BACH2: variants seen among roughly 807,000 people sequenced by gnomAD.
BACH2 encodes the protein transcription regulator protein BACH2.
Under a neutral mutation model 61.8 loss-of-function variants are expected in BACH2, and 5 were observed. That is an observed-to-expected ratio of 0.08 (90% confidence interval 0.04 to 0.17). BACH2 has a LOEUF of 0.17. Among genes scored for constraint, BACH2 ranks in the 10% least tolerant of loss-of-function variants. The pLI, the probability that BACH2 is intolerant of heterozygous loss-of-function variation, is 1.00. For synonymous variants in BACH2, 446 were observed against 440.1 expected (o/e 1.01, Z -0.17); for missense variants, 824 against 1,091.1 (o/e 0.76, Z 3.45).
In BACH2 at chr6:90,287,009, A is replaced by T. The variant is rs182852522; in HGVS notation, c.-446+9471T>A. Among the ~76,000 whole-genome samples the T allele has an allele frequency of 6.4e-3, 980 of 152,280 alleles. 10 individuals are homozygous for T. The highest frequency in any genetic ancestry group is 0.021 in the African/African-American group (873 of 41,534). ...CCGCTAGACAGTGTGTTCCCAGAGA[A>T]AGAGGACTCTTCATCATACCCAGCT... On this transcript the variant is annotated intron_variant, in intron 1 of 8. Coordinates refer to ENST00000257749, the MANE Select transcript of BACH2 (RefSeq NM_021813.4).
At chr6:90,256,161 T>G (rs1017022625) in intron 2 of BACH2, among the ~76,000 whole-genome samples, 1 of 152,042 alleles carries the variant, frequency 6.6e-6, no homozygotes, top group Admixed American at 6.6e-5. Context: ...CCAGGCCTCA[T>G]AGCATTAGCT....
chr6:90,214,317 C>A (rs1769454991), intron 3 of BACH2, among the ~76,000 whole-genome samples: 1 of 151,868 alleles, frequency 6.6e-6, no homozygotes. Context: ...GAATCCCAGA[C>A]CCCTCCAAAT....
chr6:90,244,410 A>G (rs1770562431), intron 3 of BACH2, among the ~76,000 whole-genome samples: 1 of 152,158 alleles, frequency 6.6e-6, no homozygotes, highest in South Asian at 2.1e-4. Flanking sequence ...AGATTCAAAC[A>G]CTGAAGCTCA....
chr6:89,934,483 C>A (rs1772882576), intron 8 of BACH2, among the ~76,000 whole-genome samples: 1 of 152,028 alleles, frequency 6.6e-6, no homozygotes, highest in Non-Finnish European at 1.5e-5. Context: ...CATGGTGAAA[C>A]CCTGTCTTTA....
At chr6:90,242,561 T>C (rs933570875) in intron 3 of BACH2, among the ~76,000 whole-genome samples, 12 of 152,222 alleles carry the variant, frequency 7.9e-5, no homozygotes, top group East Asian at 3.9e-4. Flanking sequence ...ATGCAGGTTG[T>C]TCTGCAGACA....
chr6:90,014,440 G>GTGTATATATATATATATATATA (rs1330299169), intron 5 of BACH2, among the ~76,000 whole-genome samples: 1 of 48,036 alleles, frequency 2.1e-5, no homozygotes, highest in African/African-American at 1.1e-4. Context: ...GTGTGTGTGT[G>GTGTATATATATATATATATATA]TATATATATA....
chr6:90,181,488 A>G (rs1392832731), intron 4 of BACH2, among the ~76,000 whole-genome samples: 1 of 152,158 alleles, frequency 6.6e-6, no homozygotes, highest in African/African-American at 2.4e-5. Flanking sequence ...TGGGGAACCA[A>G]AAAGTGTATA....
chr6:90,013,955 A>T (rs928967473), intron 5 of BACH2, among the ~76,000 whole-genome samples: 1 of 149,316 alleles, frequency 6.7e-6, no homozygotes, highest in African/African-American at 2.5e-5. Context: ...ATTATTTCTT[A>T]TTTTTTTTTG....
intron 5 of BACH2, among the ~76,000 whole-genome samples, chr6:90,030,884 T>G (rs1365047966): frequency 1.3e-5 from 2 of 150,486 alleles, no homozygotes; most frequent in Non-Finnish European, 2.9e-5. Context: ...TACCAAAGCC[T>G]GGCAGAGACA....
chr6:90,292,558 C>T (rs1182183446), intron 1 of BACH2, among the ~76,000 whole-genome samples: 1 of 152,214 alleles, frequency 6.6e-6, no homozygotes, highest in Non-Finnish European at 1.5e-5. Flanking sequence ...AAAAAGGAAG[C>T]TGATCAATCC....
intron 3 of BACH2, among the ~76,000 whole-genome samples, chr6:90,252,075 CT>C (rs1770829844): frequency 6.6e-6 from 1 of 152,192 alleles, no homozygotes. Context: ...CTGAGCAGCA[CT>C]ATGTTGTAAC....
In BACH2 at chr6:90,008,166, C is replaced by G. The variant is rs149077279; in HGVS notation, c.243+436G>C. On this transcript the variant is annotated intron_variant, in intron 6 of 8. Coordinates refer to ENST00000257749, the MANE Select transcript of BACH2 (RefSeq NM_021813.4). The surrounding 1 kb of genome is among the most constrained non-coding windows in gnomAD (Gnocchi z 4.1). ...CTTACTGAATTAATGGTGAAAATTACTAGTTGCTTTTATTTTTCCCCCAAG... is the reference window on the plus strand; with the variant it reads ...CTTACTGAATTAATGGTGAAAATTAGTAGTTGCTTTTATTTTTCCCCCAAG... 0.015 allele frequency: 2,510 copies of G among 167,878 alleles called. 26 individuals carry two copies. The highest frequency in any genetic ancestry group is 0.024 in the Non-Finnish European group (1,829 of 76,816). 10.4% of individuals were successfully genotyped at this position (167,878 alleles called of 1,614,324 possible). A position where few individuals can be genotyped will look rare whatever the true frequency, so the allele number is the denominator to read the frequency against.
intron 5 of BACH2, among the ~76,000 whole-genome samples, chr6:90,060,940 T>C (rs1780655026): frequency 6.6e-6 from 1 of 152,208 alleles, no homozygotes; most frequent in African/African-American, 2.4e-5. Flanking sequence ...TTGACATATA[T>C]GCACTTAGCT....
chr6:89,982,532 T>C (rs143088996), intron 6 of BACH2, among the ~76,000 whole-genome samples: 1 of 152,204 alleles, frequency 6.6e-6, no homozygotes, highest in Non-Finnish European at 1.5e-5. Context: ...CAGATAGAAT[T>C]TGATAAGTTA....
At chr6:90,271,115 T>C (rs191986690) in intron 2 of BACH2, among the ~76,000 whole-genome samples, 1 of 152,096 alleles carries the variant, frequency 6.6e-6, no homozygotes, top group Admixed American at 6.5e-5. Context: ...CCTGAAACCA[T>C]AAAAACTCTA....
intron 1 of BACH2, 79 bp from the exon 2 acceptor site, chr6:90,272,020 C>T (rs1771540485): frequency 6.6e-6 from 1 of 152,350 alleles, no homozygotes; most frequent in African/African-American, 2.4e-5. Flanking sequence ...TGTTAACCAA[C>T]TTCCTTCTCT....
intron 6 of BACH2, among the ~76,000 whole-genome samples, chr6:89,953,406 A>T (rs1023997725): frequency 6.6e-6 from 1 of 152,192 alleles, no homozygotes; most frequent in Non-Finnish European, 1.5e-5. Context: ...TAATCTTTTT[A>T]AAGTACTCAA....
At chr6:90,032,913 T>C (rs1210761100) in intron 5 of BACH2, among the ~76,000 whole-genome samples, 2 of 152,160 alleles carry the variant, frequency 1.3e-5, no homozygotes, top group Admixed American at 6.5e-5. Flanking sequence ...CACATGTATG[T>C]TTATTGGGGC....
At chr6:90,274,290 T>C (rs919271245) in intron 1 of BACH2, among the ~76,000 whole-genome samples, 9 of 152,210 alleles carry the variant, frequency 5.9e-5, no homozygotes, top group Non-Finnish European at 1.3e-4. Flanking sequence ...ATATTAAGAT[T>C]TTTTTAAGAT....
Sources: allele counts gnomAD v4.1 joint callset (sites outside exome capture counted in the v4.1 genomes callset), GRCh38; gene constraint gnomAD v4.1.1; non-coding constraint Gnocchi (gnomAD v3.1); transcripts MANE v1.5; gene names NCBI Gene and HGNC (gene_info 2026-07-23, HGNC 2026-07-21).